UNC5D: variants seen among roughly 807,000 people sequenced by gnomAD.
UNC5D encodes the protein netrin receptor UNC5D.
A neutral mutation model predicts 105.4 loss-of-function variants in UNC5D; 39 were observed. The observed-to-expected ratio is 0.37, with a 90% CI of 0.29 to 0.48. UNC5D has a LOEUF of 0.48. Ranked by LOEUF, UNC5D falls within the 20% of genes least tolerant of loss-of-function variation. UNC5D has a pLI of 0.98. For missense variants in UNC5D, 991 were observed against 1,202.4 expected (o/e 0.82, Z 2.60); for synonymous variants, 452 against 450.4 (o/e 1.00, Z -0.04).
chr8:35,289,567 A>G (rs1806878715), intron 1 of UNC5D, among the ~76,000 whole-genome samples: 3 of 152,324 alleles, frequency 2.0e-5, no homozygotes, highest in Non-Finnish European at 4.4e-5. Context: ...TCAAATGCAT[A>G]TGGAACACTC....
chr8:35,502,827 A>G (rs1465698310), intron 1 of UNC5D, among the ~76,000 whole-genome samples: 1 of 151,984 alleles, frequency 6.6e-6, no homozygotes, highest in Non-Finnish European at 1.5e-5. Context: ...AGCCTCTTAA[A>G]GTGCTGGGAT....
intron 1 of UNC5D, among the ~76,000 whole-genome samples, chr8:35,343,623 A>G (rs1005319093): frequency 2.0e-5 from 3 of 152,034 alleles, no homozygotes; most frequent in African/African-American, 7.2e-5. Flanking sequence ...CAGCTTTTAC[A>G]TTTGCTACTT....
chr8:35,534,309 TA>T (rs1465198973), intron 1 of UNC5D, among the ~76,000 whole-genome samples: 1 of 152,190 alleles, frequency 6.6e-6, no homozygotes, highest in Non-Finnish European at 1.5e-5. Context: ...CTGTCAACTT[TA>T]AACACTGTCT....
chr8:35,307,016 C>A (rs979733068), intron 1 of UNC5D, among the ~76,000 whole-genome samples: 1 of 152,028 alleles, frequency 6.6e-6, no homozygotes, highest in African/African-American at 2.4e-5. Flanking sequence ...TGGTCTATCC[C>A]ACAGTATCCA....
At chr8:35,758,103 A>G (rs1830594501) in intron 13 of UNC5D, among the ~76,000 whole-genome samples, 1 of 152,312 alleles carries the variant, frequency 6.6e-6, no homozygotes, top group East Asian at 1.9e-4. Flanking sequence ...CCCTTCCCAC[A>G]AGCAACACCA....
intron 4 of UNC5D, among the ~76,000 whole-genome samples, chr8:35,609,216 A>G (rs1190392747): frequency 2.6e-5 from 4 of 152,140 alleles, no homozygotes; most frequent in African/African-American, 9.7e-5. Flanking sequence ...CTTTTGAAAC[A>G]TGTATATTCA....
chr8:35,670,414 T>C (rs1234830832), intron 4 of UNC5D, among the ~76,000 whole-genome samples: 2 of 152,156 alleles, frequency 1.3e-5, no homozygotes, highest in Non-Finnish European at 2.9e-5. Flanking sequence ...TACATGTATG[T>C]TTATTGCAGC....
chr8:35,459,397 C>T (rs919194790), intron 1 of UNC5D, among the ~76,000 whole-genome samples: 1 of 152,072 alleles, frequency 6.6e-6, no homozygotes, highest in Non-Finnish European at 1.5e-5. Flanking sequence ...TTTTTGGCCC[C>T]ATTTTTCTTT....
chr8:35,413,292 TTG>T (rs1554525296), intron 1 of UNC5D, among the ~76,000 whole-genome samples: 4 of 128,044 alleles, frequency 3.1e-5, no homozygotes, highest in Non-Finnish European at 6.4e-5. Context: ...TGTGTGTGTG[TTG>T]TGTGTGTGTG....
chr8:35,262,441 G>A (rs1804557335), intron 1 of UNC5D, among the ~76,000 whole-genome samples: 1 of 152,128 alleles, frequency 6.6e-6, no homozygotes, highest in Non-Finnish European at 1.5e-5. Flanking sequence ...AATTTCAAAT[G>A]ATTTAAAAGC....
At chr8:35,661,389 T>A (rs532282689) in intron 4 of UNC5D, among the ~76,000 whole-genome samples, 1 of 152,294 alleles carries the variant, frequency 6.6e-6, no homozygotes, top group South Asian at 2.1e-4. Context: ...GTCCTCTTTG[T>A]TTCTGGTTTC....
At chr8:35,318,916 A>T (rs913679398) in intron 1 of UNC5D, among the ~76,000 whole-genome samples, 1 of 152,130 alleles carries the variant, frequency 6.6e-6, no homozygotes, top group African/African-American at 2.4e-5. Flanking sequence ...ATACAAAAAA[A>T]TTAATACTAA....
chr8:35,578,253 A>C (rs1394832978), intron 3 of UNC5D, among the ~76,000 whole-genome samples: 1 of 140,418 alleles, frequency 7.1e-6, no homozygotes, highest in East Asian at 2.0e-4. Context: ...AGAAAGAAAA[A>C]AGAAAAACTC....
At chr8:35,748,769 C>G (rs1830123616) in intron 12 of UNC5D, 74 bp downstream of exon 12, 4 of 1,486,078 alleles carry the variant, frequency 2.7e-6, no homozygotes, top group Non-Finnish European at 3.6e-6. Context: ...ACCTTAACAT[C>G]TAACACCACA....
chr8:35,593,704 G>A (rs992733461), intron 3 of UNC5D, among the ~76,000 whole-genome samples: 5 of 152,140 alleles, frequency 3.3e-5, no homozygotes, highest in South Asian at 2.1e-4. Context: ...TCAAGGTTAC[G>A]GTGAGCTATG....
At chr8:35,641,366 C>CAAAAAAAAAAAAAAAAAAAGAAAAA (rs1198851612) in intron 4 of UNC5D, among the ~76,000 whole-genome samples, 9 of 44,282 alleles carry the variant, frequency 2.0e-4, no homozygotes, top group Admixed American at 3.2e-4. Context: ...AAAAATAAAG[C>CAAAAAAAAAAAAAAAAAAAGAAAAA]AAAAAAAAAA....
intron 1 of UNC5D, among the ~76,000 whole-genome samples, chr8:35,498,084 CAAAAAAAAAAAA>C (rs58175711): frequency 4.8e-4 from 28 of 58,192 alleles, no homozygotes; most frequent in Admixed American, 1.2e-3. Flanking sequence ...CAAAACAAAA[CAAAAAAAAAAAA>C]AAAAAAAAAA....
chr8:35,782,736 C>T (rs1802561675), intron 16 of UNC5D, among the ~76,000 whole-genome samples: 1 of 152,074 alleles, frequency 6.6e-6, no homozygotes, highest in Non-Finnish European at 1.5e-5. Flanking sequence ...AACTCCTGAC[C>T]TCATGATCCA....
chr8:35,727,800 C>G (rs1056232197), intron 10 of UNC5D: 18 of 151,970 alleles, frequency 1.2e-4, no homozygotes, highest in Non-Finnish European at 1.5e-5. Context: ...TTTAATTCTT[C>G]CAGTTGATAA....
Sources: allele counts gnomAD v4.1 joint callset (sites outside exome capture counted in the v4.1 genomes callset), GRCh38; gene constraint gnomAD v4.1.1; transcripts MANE v1.5; gene names NCBI Gene and HGNC (gene_info 2026-07-23, HGNC 2026-07-21).